Variants in TRPM7 observed in about 807,000 individuals in gnomAD.
TRPM7 encodes the protein LTRPC ion channel family member 7.
In TRPM7, 134 loss-of-function variants were observed where a neutral mutation model predicts 229.7. The ratio of observed to expected loss-of-function variants is 0.58; its 90% confidence interval spans 0.51 to 0.67. The LOEUF is 0.67. Among genes scored for constraint, TRPM7 ranks in the 30% least tolerant of loss-of-function variants. TRPM7 has a pLI of 0.00. For missense variants in TRPM7, 1,901 were observed against 2,210.0 expected, an observed-to-expected ratio of 0.86 and a Z score of 2.80; for synonymous variants, 699 against 715.2, an observed-to-expected ratio of 0.98 and a Z score of 0.36.
chr15:50,576,556 A>T (rs1395102743), intron 31 of TRPM7, among the ~76,000 whole-genome samples: 1 of 152,232 alleles, frequency 6.6e-6, no homozygotes, highest in Non-Finnish European at 1.5e-5. Flanking sequence ...ACTATATAGG[A>T]GTACCTAATG....
At position 50,618,612 on chromosome 15, in the gene TRPM7, T is replaced by TAAATAAAC. The variant is rs869086853; in HGVS notation, c.1494+1132_1494+1133insGTTTATTT. ...ATAAATAAATAAATAAATAAATAAA[T>TAAATAAAC]AAACGTATGTTAAAATGATTTATAT... On this transcript the variant is annotated intron_variant, in intron 13 of 38. Coordinates refer to ENST00000646667, the MANE Select transcript of TRPM7 (RefSeq NM_017672.6). Among the ~76,000 whole-genome samples the TAAATAAAC allele has an allele frequency of 2.1e-3, 201 of 97,868 alleles. 2 individuals are homozygous for TAAATAAAC. The highest frequency in any genetic ancestry group is 6.2e-3 in the African/African-American group (192 of 30,924). 64.2% of individuals were successfully genotyped at this position (97,868 alleles called of 152,430 possible). A position where few individuals can be genotyped will look rare whatever the true frequency, so the allele number is the denominator to read the frequency against.
intron 1 of TRPM7, among the ~76,000 whole-genome samples, chr15:50,680,493 C>T (rs993202216): frequency 2.0e-5 from 3 of 151,384 alleles, no homozygotes; most frequent in East Asian, 1.9e-4. Flanking sequence ...GGCTTGAACC[C>T]GGGAGGCGGA....
intron 28 of TRPM7, among the ~76,000 whole-genome samples, chr15:50,583,580 GTTT>G (rs3077872): frequency 1.5e-5 from 2 of 136,792 alleles, no homozygotes; most frequent in East Asian, 5.3e-4. Flanking sequence ...TTAGAGTTTT[GTTT>G]TTTTTTTTTT....
At chr15:50,678,424 C>T (rs1431168154) in intron 1 of TRPM7, among the ~76,000 whole-genome samples, 2 of 150,560 alleles carry the variant, frequency 1.3e-5, no homozygotes, top group African/African-American at 4.9e-5. Flanking sequence ...AATAAGCTGG[C>T]ACTCTCTGAC....
Position 50,568,064 on chromosome 15 carries a change from G to A in TRPM7, c.5467+1823C>T, listed in dbSNP as rs1306158714. On this transcript the variant is annotated intron_variant, in intron 38 of 38. Coordinates refer to ENST00000646667, the MANE Select transcript of TRPM7 (RefSeq NM_017672.6). ...ACTGCACTCTAGCCTGGGCAACAGAGCGAGACTCCGTCTCAAAAAAAAAAA... is the reference window on the plus strand; with the variant it reads ...ACTGCACTCTAGCCTGGGCAACAGAACGAGACTCCGTCTCAAAAAAAAAAA... Among the ~76,000 whole-genome samples the A allele has an allele frequency of 4.1e-5, 5 of 123,070 alleles. No homozygotes were observed. In the East Asian group the frequency reaches 7.5e-4, roughly 19 times the overall value. The allele number at this position is 123,070 out of a possible 152,430, so 80.7% of individuals were successfully genotyped here.
chr15:50,622,011 C>T (rs548172162), intron 12 of TRPM7, among the ~76,000 whole-genome samples: 1 of 151,194 alleles, frequency 6.6e-6, no homozygotes, highest in East Asian at 1.9e-4. Context: ...GCCTGGATGA[C>T]AAGAGCAAAA....
intron 3 of TRPM7, among the ~76,000 whole-genome samples, chr15:50,652,289 T>C (rs540914562): frequency 3.3e-5 from 4 of 119,784 alleles, no homozygotes; most frequent in Non-Finnish European, 4.7e-5. Flanking sequence ...GCCAAGATCA[T>C]GCCACTGCAC....
intron 1 of TRPM7, among the ~76,000 whole-genome samples, chr15:50,670,962 T>C (rs1249336049): frequency 6.6e-6 from 1 of 152,076 alleles, no homozygotes; most frequent in African/African-American, 2.4e-5. Flanking sequence ...TTGCTGGAGC[T>C]CAGGAATTTG....
rs1019385333 is a variant in TRPM7, at chr15:50,574,593, C to T, written c.5102+44G>A. 6 of 1,568,156 alleles carry T rather than the reference C, an allele frequency of 3.8e-6. No homozygotes were observed. The Admixed American group carries it at 8.8e-5, about 23-fold the overall frequency. ...CAAAAATGAAGGTCAAAAGGGACTGCTATCCATATAATAAAAGATCCCAGA... is the reference window on the plus strand; with the variant it reads ...CAAAAATGAAGGTCAAAAGGGACTGTTATCCATATAATAAAAGATCCCAGA... On this transcript the variant is annotated intron_variant, in intron 35 of 38. Transcript: ENST00000646667.
intron 1 of TRPM7, among the ~76,000 whole-genome samples, chr15:50,677,026 C>T (rs752193359): frequency 9.9e-5 from 15 of 152,198 alleles, no homozygotes; most frequent in Non-Finnish European, 1.8e-4. Context: ...TAATCAACAA[C>T]TGTCTTAGTC....
intron 8 of TRPM7, 64 bp downstream of exon 8, chr15:50,634,318 C>T: frequency 8.0e-7 from 1 of 1,244,522 alleles, no homozygotes; most frequent in Non-Finnish European, 1.0e-6. Context: ...CAGCAAGACT[C>T]CGTATCAAAA....
intron 1 of TRPM7, among the ~76,000 whole-genome samples, chr15:50,678,517 A>AT (rs1555435942): frequency 2.6e-4 from 35 of 132,720 alleles, no homozygotes; most frequent in African/African-American, 9.5e-4. Context: ...AAAAAAAAAA[A>AT]ATATATATAT....
rs1438999712 is a variant in TRPM7 at position 50,594,680 on chromosome 15, T to A, written c.3291-67A>T. 5.6e-6 allele frequency: 6 copies of A among 1,065,376 alleles called. No individual in the cohort carries two copies. In the Admixed American group the frequency reaches 1.7e-4, roughly 31 times the overall value. 66.0% of individuals were successfully genotyped at this position (1,065,376 alleles called of 1,614,324 possible). ...CATCTCTTAAAGTTTTAAATACTGA[T>A]GATTTCATTGTAATTCTGTACTAAA... On this transcript the variant is annotated intron_variant, in intron 23 of 38. Transcript: ENST00000646667.
In TRPM7 at chr15:50,559,200, C is replaced by G. The variant is rs2053221440; in HGVS notation, c.*2478G>C. ...CTGAGTAGCTGGGATTACAGGCACT[C>G]ACCGCCATGCCCAGCTAATTTTTTG... is the stretch of plus-strand genomic sequence containing the variant. On this transcript the variant is annotated 3_prime_UTR_variant, in exon 39 of 39. Transcript: ENST00000646667. 1 of 152,196 alleles carries G rather than the reference C, an allele frequency of 6.6e-6. No homozygotes were observed. The highest frequency in any genetic ancestry group is 2.4e-5 in the African/African-American group (1 of 41,372). The allele number at this position is 152,196 out of a possible 1,614,324, so 9.4% of individuals were successfully genotyped here.
chr15:50,653,133 G>A (rs1466413346), intron 3 of TRPM7, among the ~76,000 whole-genome samples: 1 of 152,108 alleles, frequency 6.6e-6, no homozygotes, highest in African/African-American at 2.4e-5. Flanking sequence ...CACAGAGTGA[G>A]ACCCTGTTTC....
At chr15:50,662,630 A>G (rs1425608143) in intron 2 of TRPM7, among the ~76,000 whole-genome samples, 2 of 152,232 alleles carry the variant, frequency 1.3e-5, no homozygotes, top group African/African-American at 4.8e-5. Flanking sequence ...ACACAAATTT[A>G]AGTTCCCAAT....
In TRPM7 at chr15:50,611,152, T is replaced by C. The variant is rs2060052929; in HGVS notation, c.2221A>G (p.Met741Val). Residue 741 changes from methionine (M) to valine (V), a missense_variant, in exon 17 of 39, where the codon ATG (methionine) becomes GTG (valine). Transcript: ENST00000646667. ...RPFVAHTCTQ[M>V]LLSDMWMGRL... The stretch of plus-strand genomic sequence containing the variant: ...CCCATCCACATATCAGATAACAACA[T>C]TTGTGTACAGGTGTGAGCTACAAAA... 1.9e-6 allele frequency: 3 copies of C among 1,613,884 alleles called. No individual in the cohort carries two copies. The highest frequency in any genetic ancestry group is 8.5e-7 in the Non-Finnish European group (1 of 1,179,936).
chr15:50,582,864 CAAAA>C (rs1566953420), intron 29 of TRPM7, among the ~76,000 whole-genome samples: 1 of 152,060 alleles, frequency 6.6e-6, no homozygotes, highest in Non-Finnish European at 1.5e-5. Flanking sequence ...TCAATTCAAA[CAAAA>C]AGAGATTCCT....
At chr15:50,653,179 G>A (rs896857793) in intron 3 of TRPM7, among the ~76,000 whole-genome samples, 3 of 152,094 alleles carry the variant, frequency 2.0e-5, no homozygotes, top group Admixed American at 6.6e-5. Flanking sequence ...AAACGGACGT[G>A]GTGGCTCACA....
Sources: allele counts gnomAD v4.1 joint callset (sites outside exome capture counted in the v4.1 genomes callset), GRCh38; gene constraint gnomAD v4.1.1; transcripts MANE v1.5; gene names NCBI Gene and HGNC (gene_info 2026-07-23, HGNC 2026-07-21).